The following KCNH7 variants were observed in gnomAD, a reference collection of about 807,000 sequenced individuals.
KCNH7 encodes the protein voltage-gated inwardly rectifying potassium channel KCNH7.
A neutral mutation model predicts 120.8 loss-of-function variants in KCNH7; 49 were observed. The observed-to-expected ratio is 0.41, with a 90% CI of 0.32 to 0.51. The LOEUF (loss-of-function observed/expected upper bound fraction) is 0.51, where lower values mean the gene tolerates loss of function less well. KCNH7 is among the 20% of genes least tolerant of loss of function. The pLI is 0.38. For synonymous variants in KCNH7, 547 were observed against 516.1 expected, an observed-to-expected ratio of 1.06 and a Z score of -0.81; for missense variants, 1,097 against 1,446.6, an observed-to-expected ratio of 0.76 and a Z score of 3.92.
At chr2:162,594,282 T>TTG (rs1694304231) in intron 2 of KCNH7, among the ~76,000 whole-genome samples, 2 of 152,090 alleles carry the variant, frequency 1.3e-5, no homozygotes, top group East Asian at 3.9e-4. Flanking sequence ...TTTAACTACT[T>TTG]TTAGTCTTTG....
chr2:162,736,396 T>C (rs945537271), intron 2 of KCNH7, among the ~76,000 whole-genome samples: 4 of 152,242 alleles, frequency 2.6e-5, no homozygotes, highest in African/African-American at 9.6e-5. Context: ...CTGTGGATGT[T>C]GATGCCTTTG....
intron 2 of KCNH7, among the ~76,000 whole-genome samples, chr2:162,593,293 T>G (rs994755378): frequency 4.6e-5 from 7 of 152,080 alleles, no homozygotes; most frequent in Non-Finnish European, 1.0e-4. Context: ...TAGTTCCACT[T>G]TTCCTCCTCT....
chr2:162,544,357 A>G (rs948228207), intron 2 of KCNH7, among the ~76,000 whole-genome samples: 3 of 152,150 alleles, frequency 2.0e-5, no homozygotes, highest in Non-Finnish European at 4.4e-5. Flanking sequence ...TTAGAAAAAA[A>G]GGTAATGCCA....
intron 2 of KCNH7, among the ~76,000 whole-genome samples, chr2:162,667,239 T>C (rs1685166992): frequency 6.6e-6 from 1 of 152,092 alleles, no homozygotes; most frequent in Non-Finnish European, 1.5e-5. Context: ...TAGGCTATTC[T>C]CAAACTCCTG....
intron 6 of KCNH7, among the ~76,000 whole-genome samples, chr2:162,460,716 G>C (rs536730433): frequency 1.5e-4 from 23 of 152,240 alleles, no homozygotes; most frequent in Non-Finnish European, 2.6e-4. Flanking sequence ...CTCTAGAACT[G>C]CTAGAGATGA....
chr2:162,587,348 TAG>T (rs1381992729), intron 2 of KCNH7, among the ~76,000 whole-genome samples: 1 of 152,108 alleles, frequency 6.6e-6, no homozygotes, highest in Non-Finnish European at 1.5e-5. Flanking sequence ...AGGTTTCCTT[TAG>T]AGCATAGATT....
intron 2 of KCNH7, among the ~76,000 whole-genome samples, chr2:162,814,172 CAG>C (rs1684834127): frequency 6.6e-6 from 1 of 152,112 alleles, no homozygotes; most frequent in South Asian, 2.1e-4. Context: ...GGGAAAGTGG[CAG>C]ATATACAAGT....
chr2:162,682,166 A>C (rs915278226), intron 2 of KCNH7, among the ~76,000 whole-genome samples: 9 of 151,728 alleles, frequency 5.9e-5, no homozygotes, highest in Non-Finnish European at 1.5e-5. Flanking sequence ...TGGAAGAGCC[A>C]GACCTCCTTT....
chr2:162,786,905 G>A (rs1175879936), intron 2 of KCNH7, among the ~76,000 whole-genome samples: 1 of 152,200 alleles, frequency 6.6e-6, no homozygotes, highest in African/African-American at 2.4e-5. Context: ...TACAGCACTT[G>A]AGCGAAGCAC....
At chr2:162,400,765 T>G (rs1417109996) in intron 9 of KCNH7, among the ~76,000 whole-genome samples, 1 of 151,918 alleles carries the variant, frequency 6.6e-6, no homozygotes, top group Non-Finnish European at 1.5e-5. Flanking sequence ...ACAGATATAA[T>G]GCAATGTGAC....
chr2:162,459,293 T>C lies in KCNH7; in HGVS notation c.1129-12850A>G, dbSNP rs183756198. On this transcript the variant is annotated intron_variant, in intron 6 of 15. Coordinates refer to ENST00000332142, the MANE Select transcript of KCNH7 (RefSeq NM_033272.4). ...AGTAAGCATCTCAAATTCCTGAACA[T>C]GTTTGTAGCTTAAAGAGAAAGAGCC... Among the ~76,000 whole-genome samples, 356 of 152,144 alleles carry C rather than the reference T, an allele frequency of 2.3e-3. 2 individuals carry two copies. Among genetic ancestry groups the C allele is most frequent in the Non-Finnish European group, 1.9e-3 (127 of 67,972 alleles).
rs765100442 is a variant in KCNH7, at chr2:162,384,931, T to C, written c.2719A>G (p.Thr907Ala). The change falls in exon 13 of 16, where the codon ACA becomes GCA. Residue 907 changes from threonine to alanine, a missense_variant. Transcript: ENST00000332142. ...FESEGEKENS[T>A]NDPEDSADTI... ...TCTGCAGAGTCTTCAGGATCATTTG[T>C]ACTGTTTTCTTTGCCAAAATATATC... 20 of 1,599,096 alleles carry C rather than the reference T, an allele frequency of 1.3e-5. No individual in the cohort carries two copies. Among genetic ancestry groups the C allele is most frequent in the Non-Finnish European group, 1.6e-5 (19 of 1,173,212 alleles).
At chr2:162,569,225 C>G (rs373970945) in intron 2 of KCNH7, among the ~76,000 whole-genome samples, 4 of 151,816 alleles carry the variant, frequency 2.6e-5, no homozygotes, top group Non-Finnish European at 5.9e-5. Flanking sequence ...TTGGTCTATT[C>G]AGAGATTCAA....
chr2:162,445,207 G>T (rs995427381), intron 7 of KCNH7, among the ~76,000 whole-genome samples: 1 of 152,104 alleles, frequency 6.6e-6, no homozygotes, highest in African/African-American at 2.4e-5. Flanking sequence ...CCTCTTTGTT[G>T]GGGAGAGAAG....
At chr2:162,641,291 T>C (rs1318588779) in intron 2 of KCNH7, among the ~76,000 whole-genome samples, 4 of 152,184 alleles carry the variant, frequency 2.6e-5, no homozygotes, top group Non-Finnish European at 2.9e-5. Flanking sequence ...ATACAAACTA[T>C]GGTACATGTG....
intron 8 of KCNH7, among the ~76,000 whole-genome samples, chr2:162,430,801 A>G (rs1688038367): frequency 6.6e-6 from 1 of 151,972 alleles, no homozygotes; most frequent in Non-Finnish European, 1.5e-5. Context: ...GATGCTTGTC[A>G]AGCAGGTCAG....
At chr2:162,558,427 G>A (rs983455493) in intron 2 of KCNH7, among the ~76,000 whole-genome samples, 12 of 150,910 alleles carry the variant, frequency 8.0e-5, no homozygotes, top group African/African-American at 2.9e-4. Flanking sequence ...ATCCGCCTCG[G>A]CCTCCCAAAG....
At chr2:162,519,179 T>C (rs1489247052) in intron 3 of KCNH7, among the ~76,000 whole-genome samples, 1 of 151,758 alleles carries the variant, frequency 6.6e-6, no homozygotes, top group African/African-American at 2.4e-5. Context: ...CAATATCTAT[T>C]AAAGTGAAAA....
At chr2:162,833,705 A>T (rs960331803) in intron 2 of KCNH7, among the ~76,000 whole-genome samples, 1 of 152,138 alleles carries the variant, frequency 6.6e-6, no homozygotes, top group African/African-American at 2.4e-5. Flanking sequence ...GTGTTTCAAA[A>T]TGACGATCAT....
Sources: gnomAD v4.1 joint callset for allele counts (sites outside exome capture counted in the v4.1 genomes callset) on GRCh38, gnomAD v4.1.1 for gene constraint, MANE v1.5 for transcripts, NCBI Gene and HGNC (gene_info 2026-07-23, HGNC 2026-07-21) for gene names.